Variants in FRRS1L observed in about 807,000 individuals in gnomAD.
FRRS1L encodes DOMON domain-containing protein FRRS1L.
In FRRS1L, 22 loss-of-function variants were observed where a neutral mutation model predicts 28.6. The observed-to-expected ratio is 0.77, with a 90% confidence interval of 0.55 to 1.10. The LOEUF is 1.10. FRRS1L is among the 50% of genes least tolerant of loss of function. The probability of loss-of-function intolerance (pLI) is 0.00; values close to 1 mark genes in which losing one functional copy is unlikely to be tolerated. For missense variants in FRRS1L, 380 were observed against 386.9 expected, an observed-to-expected ratio of 0.98 and a Z score of 0.15; for synonymous variants, 158 against 151.4, an observed-to-expected ratio of 1.04 and a Z score of -0.32.
intron 1 of FRRS1L, among the ~76,000 whole-genome samples, chr9:109,159,011 G>A (rs1230458779): frequency 6.6e-6 from 1 of 152,200 alleles, no homozygotes; most frequent in Admixed American, 6.5e-5. Flanking sequence ...AACCATCCTA[G>A]TGGGTGTGAA....
chr9:109,153,248 A>G (rs909005518), intron 1 of FRRS1L, among the ~76,000 whole-genome samples: 1 of 152,204 alleles, frequency 6.6e-6, no homozygotes, highest in African/African-American at 2.4e-5. Flanking sequence ...CCATGTAATT[A>G]GAAGGTTGGG....
At chr9:109,166,659 C>G (rs1392241589) in intron 1 of FRRS1L, among the ~76,000 whole-genome samples, 1 of 152,070 alleles carries the variant, frequency 6.6e-6, no homozygotes, top group Non-Finnish European at 1.5e-5. Flanking sequence ...CTCTCCCAGC[C>G]TCACTCTCCC....
At chr9:109,160,941 C>T (rs144337711) in intron 1 of FRRS1L, among the ~76,000 whole-genome samples, 3,963 of 152,082 alleles carry the variant, frequency 0.026, 66 homozygotes, top group Non-Finnish European at 0.039. Flanking sequence ...TACAGGCACC[C>T]GCCATCATGC....
At chr9:109,165,981 G>T (rs1831543154) in intron 1 of FRRS1L, among the ~76,000 whole-genome samples, 1 of 152,220 alleles carries the variant, frequency 6.6e-6, no homozygotes, top group Admixed American at 6.5e-5. Context: ...CTTTCTGTAA[G>T]AGAGAAACTT....
intron 3 of FRRS1L, among the ~76,000 whole-genome samples, chr9:109,143,464 T>G (rs182163330): frequency 4.7e-4 from 71 of 151,790 alleles, no homozygotes; most frequent in African/African-American, 1.6e-3. Flanking sequence ...CTAAAACTGC[T>G]GTAAAACGTA....
chr9:109,131,163 C>T lies in FRRS1L; in HGVS notation c.*6292G>A, dbSNP rs184871136. 4 of 152,286 alleles carry T rather than the reference C, an allele frequency of 2.6e-5. No individual in the cohort carries two copies. In the East Asian group the frequency reaches 7.7e-4, roughly 29 times the overall value. 9.4% of individuals were successfully genotyped at this position (152,286 alleles called of 1,614,324 possible). On this transcript the variant is annotated 3_prime_UTR_variant, in exon 5 of 5. Transcript: ENST00000561981. ...GATACTTGAATAACTGAATAAGGAA[C>T]CTAATTAAATACAAAACCTGTATAG...
At chr9:109,144,676 TTTTC>T (rs1831231171) in intron 3 of FRRS1L, among the ~76,000 whole-genome samples, 1 of 63,016 alleles carries the variant, frequency 1.6e-5, no homozygotes, top group East Asian at 4.9e-4. Context: ...GTTAGTGCTA[TTTTC>T]TTTTTCTTTT....
At chr9:109,158,459 G>C (rs1200050762) in intron 1 of FRRS1L, among the ~76,000 whole-genome samples, 1 of 151,782 alleles carries the variant, frequency 6.6e-6, no homozygotes, top group African/African-American at 2.4e-5. Flanking sequence ...ATGATTCCAA[G>C]AAGAACCCCT....
chr9:109,141,370 G>T lies in FRRS1L; in HGVS notation c.682C>A (p.Leu228Met). The T allele has an allele frequency of 1.9e-6, 3 of 1,614,136 alleles. No individual in the cohort carries two copies. In the South Asian group the frequency reaches 3.3e-5, roughly 18 times the overall value. The change falls in exon 4 of 5, where the codon CTG (leucine) becomes ATG (methionine). Residue 228 changes from leucine (L) to methionine (M), a missense_variant. Leu to Met is a conservative substitution (Grantham distance 15). Coordinates refer to ENST00000561981, the MANE Select transcript of FRRS1L (RefSeq NM_014334.4). ...IVDLHLSWYY[L>M]FAWGPAIQGS... ...TGAATGGCTGGACCCCAAGCAAACA[G>T]ATAATACCAACTCAAATGCAGATCA...
Position 109,167,086 on chromosome 9 carries a change from A to G in FRRS1L, c.53T>C (p.Leu18Pro). Reference protein sequence around the residue: ...HPGVWASLLLLLLTGPAACAA... With the variant: ...HPGVWASLLLPLLTGPAACAA... ...GCAGGCGGCGGGCCCCGTCAGTAGC[A>G]GCAGGAGCAGCGACGCCCAGACCCC... Residue 18 changes from leucine to proline, a missense_variant, in exon 1 of 5, where the codon CTG becomes CCG. By Grantham distance (98) the Leu-to-Pro change is moderately conservative. Transcript: ENST00000561981. 1 of 1,180,608 alleles carries G rather than the reference A, an allele frequency of 8.5e-7. No homozygotes were observed. Among genetic ancestry groups the G allele is most frequent in the Non-Finnish European group, 1.0e-6 (1 of 957,464 alleles). 73.1% of individuals were successfully genotyped at this position (1,180,608 alleles called of 1,614,324 possible).
At chr9:109,146,147 A>G (rs1831257602) in intron 3 of FRRS1L, among the ~76,000 whole-genome samples, 1 of 152,164 alleles carries the variant, frequency 6.6e-6, no homozygotes, top group South Asian at 2.1e-4. Flanking sequence ...CAATGAGCCA[A>G]GGTCACACCA....
At chr9:109,159,614 C>T (rs1393365506) in intron 1 of FRRS1L, among the ~76,000 whole-genome samples, 5 of 152,144 alleles carry the variant, frequency 3.3e-5, no homozygotes, top group Admixed American at 1.3e-4. Flanking sequence ...GCCAAGATCG[C>T]GCCATTGCAT....
intron 2 of FRRS1L, chr9:109,147,640 T>C (rs769829359): frequency 6.5e-6 from 1 of 153,190 alleles, no homozygotes. Flanking sequence ...CTTACAAATT[T>C]TCATATAATC....
rs559274624 is a variant in FRRS1L at position 109,130,432 on chromosome 9, A to G, written c.*7023T>C. 10 of 152,378 alleles carry G rather than the reference A, an allele frequency of 6.6e-5. No homozygotes were observed. The highest frequency in any genetic ancestry group is 1.5e-4 in the Non-Finnish European group (10 of 68,028). 9.4% of individuals were successfully genotyped at this position (152,378 alleles called of 1,614,324 possible). A position where few individuals can be genotyped will look rare whatever the true frequency, so the allele number is the denominator to read the frequency against. ...AAAGATAAAAGTATTTGTGATGGCA[A>G]ATGGACAGAACAATCATTTAGGTAG... On this transcript the variant is annotated 3_prime_UTR_variant, in exon 5 of 5. Coordinates refer to ENST00000561981, the MANE Select transcript of FRRS1L (RefSeq NM_014334.4).
chr9:109,144,278 A>G (rs942963413), intron 3 of FRRS1L, among the ~76,000 whole-genome samples: 3 of 152,224 alleles, frequency 2.0e-5, no homozygotes, highest in Non-Finnish European at 4.4e-5. Context: ...TAAAGCCACC[A>G]GACCAGCCAC....
chr9:109,152,515 C>G (rs1564233243), intron 1 of FRRS1L, among the ~76,000 whole-genome samples: 1 of 151,356 alleles, frequency 6.6e-6, no homozygotes, highest in Non-Finnish European at 1.5e-5. Flanking sequence ...TTAAGAACAA[C>G]AAGTTTCAGC....
At position 109,131,518 on chromosome 9, in the gene FRRS1L, C is replaced by T. The variant is rs1564225772; in HGVS notation, c.*5937G>A. The T allele has an allele frequency of 6.6e-6, 1 of 152,158 alleles. No homozygotes were observed. Among genetic ancestry groups the T allele is most frequent in the Non-Finnish European group, 1.5e-5 (1 of 68,024 alleles). The allele number at this position is 152,158 out of a possible 1,614,324, so 9.4% of individuals were successfully genotyped here. A position where few individuals can be genotyped will look rare whatever the true frequency, so the allele number is the denominator to read the frequency against. ...CAGGCCTTTGTGTATAAACACACAC[C>T]ATCATGTATGTACAAATATACACAT... On this transcript the variant is annotated 3_prime_UTR_variant, in exon 5 of 5. Transcript: ENST00000561981.
chr9:109,131,269 T>C lies in FRRS1L; in HGVS notation c.*6186A>G, dbSNP rs1277171501. On this transcript the variant is annotated 3_prime_UTR_variant, in exon 5 of 5. Coordinates refer to ENST00000561981, the MANE Select transcript of FRRS1L (RefSeq NM_014334.4). ...AGTATAGAAAAGTCACATTCAACAG[T>C]GGTACTTTATATGTTCTTAACAATT... 1 of 152,184 alleles carries C rather than the reference T, an allele frequency of 6.6e-6. No homozygotes were observed. Among genetic ancestry groups the C allele is most frequent in the Non-Finnish European group, 1.5e-5 (1 of 68,038 alleles). 9.4% of individuals were successfully genotyped at this position (152,184 alleles called of 1,614,324 possible).
chr9:109,148,890 TTGTAA>T (rs10585420), intron 2 of FRRS1L, among the ~76,000 whole-genome samples: 51,131 of 151,604 alleles, frequency 0.34, 8,886 homozygotes, highest in East Asian at 0.38. Context: ...AGAAGTGGCC[TTGTAA>T]TCCAAAGAAA....
Sources: gnomAD v4.1 joint callset for allele counts (sites outside exome capture counted in the v4.1 genomes callset) on GRCh38, gnomAD v4.1.1 for gene constraint, MANE v1.5 for transcripts, NCBI Gene and HGNC (gene_info 2026-07-23, HGNC 2026-07-21) for gene names.